STX8: variants seen among roughly 807,000 people sequenced by gnomAD.
The protein encoded by STX8 is syntaxin 8, also known as syntaxin-8.
Under a neutral mutation model 37.5 loss-of-function variants are expected in STX8, and 23 were observed. The ratio of observed to expected loss-of-function variants is 0.61; its 90% CI spans 0.44 to 0.87. The LOEUF (loss-of-function observed/expected upper bound fraction) is 0.87. STX8 is among the 40% of genes least tolerant of loss of function. The pLI is 0.00. For missense variants in STX8, 313 were observed against 284.7 expected (o/e 1.10, Z -0.71); for synonymous variants, 115 against 99.1 (o/e 1.16, Z -0.95).
At chr17:9,506,872 C>G (rs1482327735) in intron 4 of STX8, among the ~76,000 whole-genome samples, 1 of 152,058 alleles carries the variant, frequency 6.6e-6, no homozygotes, top group African/African-American at 2.4e-5. Context: ...TGGAGTGTGC[C>G]TTCCTCTTGG....
At chr17:9,267,189 G>A (rs904411021) in intron 7 of STX8, among the ~76,000 whole-genome samples, 7 of 152,192 alleles carry the variant, frequency 4.6e-5, no homozygotes, top group African/African-American at 1.4e-4. Flanking sequence ...TTCAGACCAT[G>A]GCACTGTCAT....
rs147043311 is a variant in STX8, at chr17:9,288,476, G to A, written c.644-37831C>T. 4.7e-3 allele frequency among the ~76,000 whole-genome samples: 712 copies of A among 151,646 alleles called. 6 individuals are homozygous for A. Among genetic ancestry groups the A allele is most frequent in the African/African-American group, 0.016 (666 of 41,414 alleles). On this transcript the variant is annotated intron_variant, in intron 7 of 7. Transcript: ENST00000306357. ...AGAGATCGAGACCATCCTGGCTAAC[G>A]CGGTGAAACCCCGTCTCTACTAAAA... is the stretch of plus-strand genomic sequence containing the variant.
chr17:9,502,825 G>A (rs939287621), intron 5 of STX8, among the ~76,000 whole-genome samples: 4 of 152,042 alleles, frequency 2.6e-5, no homozygotes, highest in East Asian at 1.9e-4. Context: ...AATGCAGGCC[G>A]GGCGCGGTGG....
At chr17:9,569,358 G>T (rs1383115267) in intron 1 of STX8, 1 of 154,564 alleles carries the variant, frequency 6.5e-6, no homozygotes, top group Non-Finnish European at 1.5e-5. Flanking sequence ...ATAAGGAGCT[G>T]CTACTTAGGA....
Position 9,557,453 on chromosome 17 carries a change from CTCTTA to C in STX8, c.188_192del (p.Leu63ArgfsTer11). 6.2e-7 allele frequency: 1 copy of C among 1,613,908 alleles called. No homozygotes were observed. Among genetic ancestry groups the C allele is most frequent in the African/African-American group, 1.3e-5 (1 of 75,032 alleles). ...GGATACATCTGATGTGTTGACACAGCTCTTAGCAATAAGTCCTTCAAAAGGGCGAT... is the reference window on the plus strand; with the variant it reads ...GGATACATCTGATGTGTTGACACAGCGCAATAAGTCCTTCAAAAGGGCGAT... On this transcript the variant is annotated frameshift_variant, in exon 3 of 8. Transcript: ENST00000306357. LOFTEE classifies it high-confidence loss of function.
rs554491008 is a variant in STX8 at position 9,427,147 on chromosome 17, T to C, written c.542-48494A>G. Reference sequence around the variant, plus strand: ...AGAATGAATTCCAAAAGTGTATTCGTGGCTTAGTTGTTCAGAACTCAAGGA... The same window carrying C: ...AGAATGAATTCCAAAAGTGTATTCGCGGCTTAGTTGTTCAGAACTCAAGGA... On this transcript the variant is annotated intron_variant, in intron 6 of 7. Coordinates refer to ENST00000306357, the MANE Select transcript of STX8 (RefSeq NM_004853.3). 8.5e-5 allele frequency among the ~76,000 whole-genome samples: 13 copies of C among 152,324 alleles called. No individual in the cohort carries two copies. In the South Asian group the frequency reaches 2.5e-3, roughly 29 times the overall value.
chr17:9,554,431 G>A (rs1391449794), intron 3 of STX8: 1 of 152,142 alleles, frequency 6.6e-6, no homozygotes, highest in African/African-American at 2.4e-5. Context: ...CTAATAATAT[G>A]AGATTATTAG....
At chr17:9,488,960 CCT>C (rs1160666264) in intron 6 of STX8, among the ~76,000 whole-genome samples, 1 of 151,960 alleles carries the variant, frequency 6.6e-6, no homozygotes, top group African/African-American at 2.4e-5. Context: ...CACTGCAACC[CCT>C]GCCTCCTGGG....
intron 2 of STX8, among the ~76,000 whole-genome samples, chr17:9,560,329 C>T (rs1194517399): frequency 6.6e-5 from 9 of 135,410 alleles, no homozygotes; most frequent in Non-Finnish European, 1.4e-4. Context: ...ACCCAGGAAG[C>T]GGAGGTTGCA....
chr17:9,269,019 C>A (rs183882247), intron 7 of STX8, among the ~76,000 whole-genome samples: 31 of 152,160 alleles, frequency 2.0e-4, no homozygotes, highest in Non-Finnish European at 4.0e-4. Flanking sequence ...AACCCCGTCT[C>A]TACTAAAAAT....
intron 6 of STX8, among the ~76,000 whole-genome samples, chr17:9,438,113 C>A (rs1377757512): frequency 1.4e-4 from 22 of 151,822 alleles, no homozygotes; most frequent in Non-Finnish European, 1.5e-4. Context: ...CATGGTGGCA[C>A]ACACCTGTTG....
Position 9,284,778 on chromosome 17 carries a change from CAA to C in STX8, c.644-34135_644-34134del, listed in dbSNP as rs1278108756. 2.0e-5 allele frequency among the ~76,000 whole-genome samples: 3 copies of C among 152,264 alleles called. No individual in the cohort carries two copies. The East Asian group carries it at 5.8e-4, about 29-fold the overall frequency. ...TCGACTTAGCAGAATTAGAAAACTT[CAA>C]AAGTCCTAGAAATATCACAGGTAAA... On this transcript the variant is annotated intron_variant, in intron 7 of 7. Coordinates refer to ENST00000306357, the MANE Select transcript of STX8 (RefSeq NM_004853.3).
chr17:9,279,532 A>C (rs75819923), intron 7 of STX8, among the ~76,000 whole-genome samples: 3,259 of 152,334 alleles, frequency 0.021, 115 homozygotes, highest in African/African-American at 0.072. Flanking sequence ...ACATATAGTC[A>C]TAACAATAAA....
chr17:9,567,247 T>A (rs557378916), intron 2 of STX8, among the ~76,000 whole-genome samples: 93 of 152,276 alleles, frequency 6.1e-4, no homozygotes, highest in Non-Finnish European at 1.0e-3. Flanking sequence ...CAAATCCCCA[T>A]AACACAAGCT....
intron 6 of STX8, among the ~76,000 whole-genome samples, chr17:9,480,011 T>C (rs897042864): frequency 5.3e-5 from 8 of 152,220 alleles, no homozygotes; most frequent in African/African-American, 1.9e-4. Context: ...GTAACTGCTG[T>C]TTATCCTTTT....
At chr17:9,554,904 C>CAA (rs34545907) in intron 3 of STX8, 5,007 of 55,308 alleles carry the variant, frequency 0.091, 162 homozygotes, top group African/African-American at 0.14. Flanking sequence ...GACTCCATCT[C>CAA]AAAAAAAAAA....
rs534347575 is a variant in STX8 at position 9,437,451 on chromosome 17, G to A, written c.541+54378C>T. Among the ~76,000 whole-genome samples, 69 of 152,308 alleles carry A rather than the reference G, an allele frequency of 4.5e-4. No homozygotes were observed. In the South Asian group the frequency reaches 7.7e-3, roughly 17 times the overall value. The stretch of plus-strand genomic sequence containing the variant: ...GGATGTGCATGAAATGGACACAAGC[G>A]AAGAGTAACAATGGCAGGGATTATC... On this transcript the variant is annotated intron_variant, in intron 6 of 7. Transcript: ENST00000306357.
chr17:9,372,063 T>C (rs1394046667), intron 7 of STX8, among the ~76,000 whole-genome samples: 1 of 152,156 alleles, frequency 6.6e-6, no homozygotes, highest in Non-Finnish European at 1.5e-5. Context: ...ATTTCATTTG[T>C]TTTTGCCAGG....
chr17:9,384,387 C>G (rs1226068152), intron 6 of STX8, among the ~76,000 whole-genome samples: 1 of 152,090 alleles, frequency 6.6e-6, no homozygotes, highest in East Asian at 1.9e-4. Flanking sequence ...GCCTGTAATC[C>G]CAGCACTTTG....
Sources: allele counts gnomAD v4.1 joint callset (sites outside exome capture counted in the v4.1 genomes callset), GRCh38; gene constraint gnomAD v4.1.1; transcripts MANE v1.5; gene names NCBI Gene and HGNC (gene_info 2026-07-23, HGNC 2026-07-21).